Variants in ARHGAP42 observed in about 807,000 individuals in gnomAD.
ARHGAP42 encodes Rho GTPase activating protein 42.
A neutral mutation model predicts 125.0 loss-of-function variants in ARHGAP42; 63 were observed. The ratio of observed to expected loss-of-function variants is 0.50; its 90% CI spans 0.41 to 0.62. The LOEUF (loss-of-function observed/expected upper bound fraction) is 0.62. Ranked by LOEUF, ARHGAP42 falls within the 20% of genes least tolerant of loss-of-function variation. ARHGAP42 has a pLI of 0.00. For synonymous variants in ARHGAP42, 339 were observed against 351.0 expected, an observed-to-expected ratio of 0.97 and a Z score of 0.38; for missense variants, 766 against 1,024.2, an observed-to-expected ratio of 0.75 and a Z score of 3.44.
rs530518357 is a variant in ARHGAP42 at position 100,695,167 on chromosome 11, C to T, written c.154+7335C>T. Among the ~76,000 whole-genome samples, 6 of 152,360 alleles carry T rather than the reference C, an allele frequency of 3.9e-5. No individual in the cohort carries two copies. The South Asian group carries it at 1.2e-3, about 32-fold the overall frequency. ...TGTATAAGCGTAGCAACTTACATAA[C>T]ATTTGTTCACCTTAATGGCCCTTGA... On this transcript the variant is annotated intron_variant, in intron 1 of 23. Transcript: ENST00000298815.
At chr11:100,953,109 G>A (rs1857709353) in intron 12 of ARHGAP42, among the ~76,000 whole-genome samples, 1 of 151,844 alleles carries the variant, frequency 6.6e-6, no homozygotes, top group Non-Finnish European at 1.5e-5. Flanking sequence ...CCATTTTTTT[G>A]TACATCATCC....
chr11:100,942,424 T>C (rs951406728), intron 9 of ARHGAP42, among the ~76,000 whole-genome samples: 6 of 152,134 alleles, frequency 3.9e-5, no homozygotes, highest in Admixed American at 3.9e-4. Context: ...TAGTGAACAG[T>C]ATAGAATACA....
intron 1 of ARHGAP42, among the ~76,000 whole-genome samples, chr11:100,715,687 T>C (rs1861648181): frequency 6.6e-6 from 1 of 152,182 alleles, no homozygotes; most frequent in South Asian, 2.1e-4. Flanking sequence ...CTGAGAGTGA[T>C]ACTGGTGCAT....
At chr11:100,734,285 T>A (rs563722400) in intron 1 of ARHGAP42, among the ~76,000 whole-genome samples, 1 of 151,556 alleles carries the variant, frequency 6.6e-6, no homozygotes, top group African/African-American at 2.4e-5. Flanking sequence ...TTTTTTAAAA[T>A]TTTTATTTTT....
At chr11:100,833,453 G>T (rs1864708388) in intron 3 of ARHGAP42, among the ~76,000 whole-genome samples, 1 of 152,162 alleles carries the variant, frequency 6.6e-6, no homozygotes, top group African/African-American at 2.4e-5. Flanking sequence ...GGCTCAGATG[G>T]GACAGCTTGT....
intron 4 of ARHGAP42, among the ~76,000 whole-genome samples, chr11:100,910,012 G>T (rs1167752420): frequency 6.6e-6 from 1 of 152,112 alleles, no homozygotes; most frequent in African/African-American, 2.4e-5. Context: ...ATGGACATGT[G>T]GCATGACCAT....
chr11:100,691,211 C>T (rs1458442532), intron 1 of ARHGAP42, among the ~76,000 whole-genome samples: 3 of 152,168 alleles, frequency 2.0e-5, no homozygotes, highest in Non-Finnish European at 4.4e-5. Context: ...CTACCCTTTT[C>T]ATCAAATATA....
intron 1 of ARHGAP42, among the ~76,000 whole-genome samples, chr11:100,737,838 G>C (rs1037180433): frequency 6.6e-6 from 1 of 152,168 alleles, no homozygotes. Flanking sequence ...CTTAAAAGGG[G>C]CCTACATCTC....
intron 3 of ARHGAP42, among the ~76,000 whole-genome samples, chr11:100,845,804 T>C (rs1565239121): frequency 1.3e-5 from 2 of 152,168 alleles, no homozygotes; most frequent in African/African-American, 4.8e-5. Flanking sequence ...ATGTAGATAA[T>C]ATGTTCCCTG....
At position 100,818,984 on chromosome 11, in the gene ARHGAP42, A is replaced by G. The variant is rs114531164; in HGVS notation, c.312+23818A>G. The stretch of plus-strand genomic sequence containing the variant: ...GTTATGTAGAGGAGCAGAAGAAAAA[A>G]TTTCATATAATAAAGACCTTAGAAA... On this transcript the variant is annotated intron_variant, in intron 3 of 23. Transcript: ENST00000298815. Among the ~76,000 whole-genome samples, 540 of 152,236 alleles carry G rather than the reference A, an allele frequency of 3.5e-3. 5 individuals carry two copies. The highest frequency in any genetic ancestry group is 0.013 in the African/African-American group (521 of 41,550).
intron 21 of ARHGAP42, among the ~76,000 whole-genome samples, chr11:100,978,658 G>A (rs1858453275): frequency 6.6e-6 from 1 of 152,184 alleles, no homozygotes; most frequent in African/African-American, 2.4e-5. Context: ...TGGCTCCACA[G>A]GAGTCAATAG....
chr11:100,751,279 G>GTTTTTTTTTTTTTTTTTT (rs71465331), intron 1 of ARHGAP42, among the ~76,000 whole-genome samples: 4 of 93,480 alleles, frequency 4.3e-5, no homozygotes, highest in African/African-American at 5.0e-5. Flanking sequence ...GTGTGTGTGT[G>GTTTTTTTTTTTTTTTTTT]TTTTTTTTTT....
chr11:100,905,349 A>C (rs941988620), intron 4 of ARHGAP42, among the ~76,000 whole-genome samples: 5 of 152,230 alleles, frequency 3.3e-5, no homozygotes, highest in Admixed American at 2.6e-4. Flanking sequence ...ATATGCCTTC[A>C]CATATGATTA....
intron 16 of ARHGAP42, among the ~76,000 whole-genome samples, chr11:100,965,450 A>G (rs1858066811): frequency 2.0e-5 from 3 of 152,186 alleles, no homozygotes; most frequent in Non-Finnish European, 2.9e-5. Context: ...TGGAATCAGT[A>G]GAACTGGGCT....
chr11:100,847,186 C>T (rs1478644928), intron 3 of ARHGAP42, among the ~76,000 whole-genome samples: 1 of 152,212 alleles, frequency 6.6e-6, no homozygotes, highest in African/African-American at 2.4e-5. Context: ...CCTCGATCCC[C>T]TGAATGGCCT....
intron 2 of ARHGAP42, among the ~76,000 whole-genome samples, chr11:100,785,794 C>T (rs1242638502): frequency 1.3e-5 from 2 of 152,210 alleles, no homozygotes; most frequent in Non-Finnish European, 2.9e-5. Context: ...AGCTCTGGAA[C>T]TGTTTGCCTT....
intron 4 of ARHGAP42, among the ~76,000 whole-genome samples, chr11:100,909,595 A>G (rs764370396): frequency 3.1e-4 from 47 of 152,112 alleles, no homozygotes; most frequent in Middle Eastern, 6.8e-3. Flanking sequence ...CCATCTCCCA[A>G]AGTGCTGGGA....
At chr11:100,908,375 G>A (rs1866810820) in intron 4 of ARHGAP42, among the ~76,000 whole-genome samples, 1 of 152,128 alleles carries the variant, frequency 6.6e-6, no homozygotes, top group Non-Finnish European at 1.5e-5. Flanking sequence ...GTACCCAACA[G>A]GTAATGTTTC....
intron 1 of ARHGAP42, among the ~76,000 whole-genome samples, chr11:100,719,335 G>A (rs931895187): frequency 6.6e-6 from 1 of 152,206 alleles, no homozygotes; most frequent in African/African-American, 2.4e-5. Context: ...GTAACAGGAG[G>A]ATGTATCTAC....
Sources: allele counts gnomAD v4.1 joint callset (sites outside exome capture counted in the v4.1 genomes callset), GRCh38; gene constraint gnomAD v4.1.1; transcripts MANE v1.5; gene names NCBI Gene and HGNC (gene_info 2026-07-23, HGNC 2026-07-21).